Variants in SDCCAG8 observed in about 807,000 individuals in gnomAD.
The protein encoded by SDCCAG8 is SHH signaling and ciliogenesis regulator SDCCAG8.
Under a neutral mutation model 101.8 loss-of-function variants are expected in SDCCAG8, and 74 were observed. The observed-to-expected ratio is 0.73, with a 90% CI of 0.60 to 0.88. The LOEUF (loss-of-function observed/expected upper bound fraction) is 0.88. SDCCAG8 is among the 40% of genes least tolerant of loss of function. The probability of loss-of-function intolerance (pLI) is 0.00; values close to 1 mark genes in which losing one functional copy is unlikely to be tolerated. For synonymous variants in SDCCAG8, 281 were observed against 292.9 expected, an observed-to-expected ratio of 0.96 and a Z score of 0.41; for missense variants, 787 against 822.6, an observed-to-expected ratio of 0.96 and a Z score of 0.53.
At chr1:243,493,230 G>C (rs1366735857) in intron 17 of SDCCAG8, among the ~76,000 whole-genome samples, 3 of 144,460 alleles carry the variant, frequency 2.1e-5, no homozygotes, top group African/African-American at 7.5e-5. Context: ...TGGTGGGGGT[G>C]GGGGGAGGGG....
At position 243,499,866 on chromosome 1, in the gene SDCCAG8, C is replaced by A; in HGVS notation, c.*81C>A. The A allele has an allele frequency of 7.4e-7, 1 of 1,359,334 alleles. No homozygotes were observed. The highest frequency in any genetic ancestry group is 1.0e-6 in the Non-Finnish European group (1 of 959,344). The allele number at this position is 1,359,334 out of a possible 1,614,324, so 84.2% of individuals were successfully genotyped here. ...GGTTTAGACTTAATATGCCACAACG[C>A]ACCACGACCTTCCCAGGGTGACACC... On this transcript the variant is annotated 3_prime_UTR_variant, in exon 18 of 18. Coordinates refer to ENST00000366541, the MANE Select transcript of SDCCAG8 (RefSeq NM_006642.5).
At chr1:243,499,684 C>A in intron 17 of SDCCAG8, 72 bp from the exon 18 acceptor site, 1 of 1,232,700 alleles carries the variant, frequency 8.1e-7, no homozygotes, top group Non-Finnish European at 1.2e-6. Flanking sequence ...GGTGACTAAA[C>A]CAGCAAATGA....
intron 13 of SDCCAG8, among the ~76,000 whole-genome samples, chr1:243,390,640 C>T (rs923623018): frequency 6.6e-6 from 1 of 152,194 alleles, no homozygotes; most frequent in African/African-American, 2.4e-5. Flanking sequence ...TGGGGATGCA[C>T]TCATCTCCCC....
chr1:243,306,276 TTTTGTCCTATTTTA>T (rs891058515), intron 7 of SDCCAG8: 1 of 152,124 alleles, frequency 6.6e-6, no homozygotes, highest in Non-Finnish European at 1.5e-5. Flanking sequence ...CTTTCTTGTT[TTTTGTCCTATTTTA>T]TTTTATTTTG....
chr1:243,355,437 G>C (rs1393110976), intron 12 of SDCCAG8, among the ~76,000 whole-genome samples: 1 of 152,048 alleles, frequency 6.6e-6, no homozygotes, highest in African/African-American at 2.4e-5. Flanking sequence ...TCCCATTAAA[G>C]TGCGAGGGGA....
At position 243,354,412 on chromosome 1, in the gene SDCCAG8, G is replaced by T. The variant is rs539753497; in HGVS notation, c.1473+10081G>T. 2.0e-5 allele frequency among the ~76,000 whole-genome samples: 3 copies of T among 152,226 alleles called. No individual in the cohort carries two copies. In the South Asian group the frequency reaches 6.2e-4, roughly 32 times the overall value. Reference sequence around the variant, plus strand: ...AATTTTAGACATTTTCGTTATGATTGGTAATAGAACAATAAAATGTCTAGC... The same window carrying T: ...AATTTTAGACATTTTCGTTATGATTTGTAATAGAACAATAAAATGTCTAGC... On this transcript the variant is annotated intron_variant, in intron 12 of 17. Coordinates refer to ENST00000366541, the MANE Select transcript of SDCCAG8 (RefSeq NM_006642.5).
At chr1:243,342,923 T>A (rs1226639868) in intron 11 of SDCCAG8, among the ~76,000 whole-genome samples, 2 of 152,198 alleles carry the variant, frequency 1.3e-5, no homozygotes, top group Non-Finnish European at 2.9e-5. Context: ...AAACATAGAT[T>A]AATTTATTTT....
At chr1:243,321,901 C>T (rs571319996) in intron 9 of SDCCAG8, among the ~76,000 whole-genome samples, 4 of 152,200 alleles carry the variant, frequency 2.6e-5, no homozygotes, top group African/African-American at 4.8e-5. Context: ...CACCCGCCTC[C>T]GCCTCCCAAA....
chr1:243,348,850 A>G (rs2075908903), intron 12 of SDCCAG8, among the ~76,000 whole-genome samples: 1 of 151,110 alleles, frequency 6.6e-6, no homozygotes, highest in South Asian at 2.1e-4. Context: ...GCCGGACATG[A>G]TGGCACATGC....
At chr1:243,381,263 CT>C (rs2077931813) in intron 13 of SDCCAG8, among the ~76,000 whole-genome samples, 1 of 152,082 alleles carries the variant, frequency 6.6e-6, no homozygotes, top group African/African-American at 2.4e-5. Flanking sequence ...TAGCCTACCA[CT>C]TTTTTGGTGT....
At chr1:243,497,556 C>A (rs771944221) in intron 17 of SDCCAG8, among the ~76,000 whole-genome samples, 1 of 152,014 alleles carries the variant, frequency 6.6e-6, no homozygotes, top group Non-Finnish European at 1.5e-5. Context: ...GGAGGTCACC[C>A]GTTTCTGGAA....
intron 16 of SDCCAG8, among the ~76,000 whole-genome samples, chr1:243,441,758 A>G (rs917360383): frequency 6.6e-5 from 10 of 152,238 alleles, no homozygotes; most frequent in African/African-American, 2.4e-4. Context: ...AAGTCAGATC[A>G]GCACATAGGA....
At chr1:243,340,356 T>G (rs906350114) in intron 10 of SDCCAG8, among the ~76,000 whole-genome samples, 1 of 152,218 alleles carries the variant, frequency 6.6e-6, no homozygotes, top group Non-Finnish European at 1.5e-5. Context: ...ACAACAGGCA[T>G]GACTGTCTCA....
chr1:243,462,686 C>A (rs1338047297), intron 16 of SDCCAG8, among the ~76,000 whole-genome samples: 1 of 152,104 alleles, frequency 6.6e-6, no homozygotes, highest in Non-Finnish European at 1.5e-5. Context: ...ACCTTTTGTA[C>A]AGCCAGAAGA....
At chr1:243,454,556 GGGAAGA>G (rs1644752043) in intron 16 of SDCCAG8, among the ~76,000 whole-genome samples, 1 of 152,294 alleles carries the variant, frequency 6.6e-6, no homozygotes, top group South Asian at 2.1e-4. Flanking sequence ...GCACGAGTAA[GGGAAGA>G]GGTCGCCGTT....
At chr1:243,363,576 C>T (rs1046727410) in intron 12 of SDCCAG8, among the ~76,000 whole-genome samples, 3 of 152,166 alleles carry the variant, frequency 2.0e-5, no homozygotes, top group African/African-American at 4.8e-5. Context: ...AAATTTGAGT[C>T]TTAAAATCAT....
chr1:243,428,543 A>G (rs915871504), intron 16 of SDCCAG8, among the ~76,000 whole-genome samples: 2 of 152,242 alleles, frequency 1.3e-5, no homozygotes, highest in Admixed American at 6.5e-5. Context: ...CAATTTGAAA[A>G]AACCTGCAGA....
At chr1:243,476,395 A>T in intron 16 of SDCCAG8, 1 of 980,182 alleles carries the variant, frequency 1.0e-6, no homozygotes, top group Non-Finnish European at 1.2e-6. Context: ...CTGGTTACTT[A>T]GCTGCTGTGG....
chr1:243,346,470 C>T (rs1360243075), intron 12 of SDCCAG8, among the ~76,000 whole-genome samples: 4 of 152,096 alleles, frequency 2.6e-5, no homozygotes, highest in Non-Finnish European at 5.9e-5. Context: ...TTCATCTGAC[C>T]ACTTGATACA....
Sources: gnomAD v4.1 joint callset for allele counts (sites outside exome capture counted in the v4.1 genomes callset) on GRCh38, gnomAD v4.1.1 for gene constraint, MANE v1.5 for transcripts, NCBI Gene and HGNC (gene_info 2026-07-23, HGNC 2026-07-21) for gene names.